NBPF3: variants seen among roughly 807,000 people sequenced by gnomAD.
The protein encoded by NBPF3 is NBPF family member NBPF3.
Under a neutral mutation model 78.1 loss-of-function variants are expected in NBPF3, and 57 were observed. The observed-to-expected ratio is 0.73, with a 90% CI of 0.59 to 0.91. NBPF3 has a LOEUF of 0.91. Among genes scored for constraint, NBPF3 ranks in the 40% least tolerant of loss-of-function variants. NBPF3 has a pLI of 0.00. For synonymous variants in NBPF3, 182 were observed against 271.7 expected, an observed-to-expected ratio of 0.67 and a Z score of 3.25; for missense variants, 510 against 715.3, an observed-to-expected ratio of 0.71 and a Z score of 3.27.
At chr1:21,464,264 A>G (rs1456081316) in intron 2 of NBPF3, among the ~76,000 whole-genome samples, 1 of 152,246 alleles carries the variant, frequency 6.6e-6, no homozygotes, top group Non-Finnish European at 1.5e-5. Flanking sequence ...GTATAACCAT[A>G]TAGTGGAATA....
chr1:21,442,700 A>G (rs563270937), intron 1 of NBPF3, among the ~76,000 whole-genome samples: 57 of 150,268 alleles, frequency 3.8e-4, no homozygotes, highest in African/African-American at 1.2e-3. Context: ...GCCTCACTCT[A>G]TTGCCCAGGC....
At chr1:21,444,736 T>C (rs1018726619) in intron 1 of NBPF3, among the ~76,000 whole-genome samples, 1 of 152,166 alleles carries the variant, frequency 6.6e-6, no homozygotes, top group Non-Finnish European at 1.5e-5. Context: ...TTTTCATTTT[T>C]TATTTTCCAA....
intron 2 of NBPF3, among the ~76,000 whole-genome samples, chr1:21,447,476 C>G (rs1641056037): frequency 6.6e-6 from 1 of 152,192 alleles, no homozygotes; most frequent in Admixed American, 6.5e-5. Flanking sequence ...TTTTGACTTT[C>G]CAAGAATGTC....
At chr1:21,446,754 G>T (rs1345608148) in intron 2 of NBPF3, among the ~76,000 whole-genome samples, 1 of 151,926 alleles carries the variant, frequency 6.6e-6, no homozygotes, top group Non-Finnish European at 1.5e-5. Context: ...TCATCCAGTA[G>T]CCCTTAGCTC....
chr1:21,447,812 GC>G (rs1253472143), intron 2 of NBPF3, among the ~76,000 whole-genome samples: 1 of 152,172 alleles, frequency 6.6e-6, no homozygotes, highest in African/African-American at 2.4e-5. Flanking sequence ...ATCTTTGACA[GC>G]ATTTGGTGTG....
Position 21,468,771 on chromosome 1 carries a change from A to G in NBPF3, c.217A>G (p.Ile73Val), listed in dbSNP as rs1642420477. The stretch of plus-strand genomic sequence containing the variant: ...GTCCGGTGAGAAGGCAGAGATGAAC[A>G]TTCTAGAAATCAACAAGAAATCGCG... ...PWSGEKAEMN[I>V]LEINKKSRPQ... The change falls in exon 3 of 15, where the codon ATT becomes GTT. Residue 73 changes from isoleucine (I) to valine (V), a missense_variant. By Grantham distance (29) the Ile-to-Val change is conservative. This residue lies in a region of NBPF3 where 440 missense variants were observed against 478.2 expected (regional missense o/e 0.92). Transcript: ENST00000318249. 2 of 1,613,952 alleles carry G rather than the reference A, an allele frequency of 1.2e-6. No individual in the cohort carries two copies. The highest frequency in any genetic ancestry group is 1.7e-6 in the Non-Finnish European group (2 of 1,179,828).
chr1:21,468,000 G>A (rs77096382), intron 2 of NBPF3, among the ~76,000 whole-genome samples: 2 of 152,202 alleles, frequency 1.3e-5, no homozygotes, highest in African/African-American at 2.4e-5. Context: ...TTACAAATGA[G>A]TTATTCATTC....
chr1:21,456,298 C>A (rs1641598081), intron 2 of NBPF3, among the ~76,000 whole-genome samples: 1 of 152,164 alleles, frequency 6.6e-6, no homozygotes, highest in South Asian at 2.1e-4. Flanking sequence ...TAACAAATAA[C>A]TCTCCTCAAA....
chr1:21,437,302 T>C, upstream of NBPF3: 1 of 398,696 alleles, frequency 2.5e-6, no homozygotes, highest in Admixed American at 4.4e-5. Context: ...GGGGTTTGTC[T>C]GGCATCGGTG....
intron 2 of NBPF3, among the ~76,000 whole-genome samples, chr1:21,457,327 G>T (rs1641661034): frequency 8.9e-6 from 1 of 112,830 alleles, no homozygotes; most frequent in South Asian, 3.1e-4. Flanking sequence ...TTCCAACAAA[G>T]GGTTTTTAGA....
At chr1:21,470,014 CAG>C (rs1642496965) in intron 3 of NBPF3, among the ~76,000 whole-genome samples, 1 of 71,558 alleles carries the variant, frequency 1.4e-5, no homozygotes, top group Non-Finnish European at 3.5e-5. Flanking sequence ...TTTATTGGCA[CAG>C]AGTTAACACT....
At position 21,467,610 on chromosome 1, in the gene NBPF3, G is replaced by A. The variant is rs551596330; in HGVS notation, c.134-1078G>A. On this transcript the variant is annotated intron_variant, in intron 2 of 14. Coordinates refer to ENST00000318249, the MANE Select transcript of NBPF3 (RefSeq NM_032264.6). Reference sequence around the variant, plus strand: ...CAAACCACATTCCATAAGAACCGCCGCTCATGGCCCTGTTCTTTTCAGTAT... The same window carrying A: ...CAAACCACATTCCATAAGAACCGCCACTCATGGCCCTGTTCTTTTCAGTAT... Among the ~76,000 whole-genome samples, 28 of 152,254 alleles carry A rather than the reference G, an allele frequency of 1.8e-4. No homozygotes were observed. In the East Asian group the frequency reaches 4.2e-3, roughly 23 times the overall value.
Position 21,473,408 on chromosome 1 carries a change from G to T in NBPF3, c.763G>T (p.Val255Phe), listed in dbSNP as rs753178176. ...REVQKAEEKE[V>F]PEDSLEECAI... ...GGTGCAGAAGGCTGAAGAAAAGGAA[G>T]TCCCTGAGGACTCACTGGAGGAGTG... is the stretch of plus-strand genomic sequence containing the variant. The change falls in exon 7 of 15, where the codon GTC becomes TTC. Residue 255 changes from valine to phenylalanine, a missense_variant. Transcript: ENST00000318249. The T allele has an allele frequency of 2.5e-5, 40 of 1,614,012 alleles. No individual in the cohort carries two copies. The highest frequency in any genetic ancestry group is 3.2e-5 in the Non-Finnish European group (38 of 1,180,014).
chr1:21,481,491 C>T, intron 12 of NBPF3, 106 bp from the exon 13 acceptor site: 1 of 1,353,752 alleles, frequency 7.4e-7, no homozygotes, highest in South Asian at 1.4e-5. Flanking sequence ...ATGGATGTAT[C>T]CTTTTTCTTT....
At chr1:21,449,091 C>T (rs12033776) in intron 2 of NBPF3, among the ~76,000 whole-genome samples, 2,256 of 152,274 alleles carry the variant, frequency 0.015, 29 homozygotes, top group East Asian at 0.068. Context: ...CCCCAAATTC[C>T]CTTGAACCTC....
intron 10 of NBPF3, among the ~76,000 whole-genome samples, chr1:21,479,814 C>G (rs1482399946): frequency 9.2e-4 from 46 of 49,758 alleles, no homozygotes; most frequent in East Asian, 5.2e-3. Context: ...CTCTCTCTCT[C>G]TCTCTCTGTG....
chr1:21,441,389 A>G (rs1416951129), intron 1 of NBPF3, among the ~76,000 whole-genome samples: 2 of 152,172 alleles, frequency 1.3e-5, no homozygotes, highest in Non-Finnish European at 2.9e-5. Context: ...TTACTGAAGT[A>G]TACAGAAGAA....
At chr1:21,471,906 G>A in intron 5 of NBPF3, 123 bp downstream of exon 5, 1 of 1,287,088 alleles carries the variant, frequency 7.8e-7, no homozygotes, top group South Asian at 1.3e-5. Flanking sequence ...ATGTGGCCGT[G>A]ACATAAGTGA....
In NBPF3 at chr1:21,445,206, G is replaced by A. The variant is rs781646630; in HGVS notation, c.120G>A (p.Leu40=). 9 of 1,611,670 alleles carry A rather than the reference G, an allele frequency of 5.6e-6. No homozygotes were observed. Among genetic ancestry groups the A allele is most frequent in the Non-Finnish European group, 6.8e-6 (8 of 1,179,712 alleles). Residue 40 remains leucine, a synonymous_variant, in exon 2 of 15, where the codon CTG becomes CTA. Coordinates refer to ENST00000318249, the MANE Select transcript of NBPF3 (RefSeq NM_032264.6). ...ATGGTGTGGGCCGACATCAAGAGCT[G>A]CGAGATCCAACAGGTAAAAATCCCG... ...ASHGVGRHQE[L]RDPTVPGPTS... is the part of the protein sequence containing the mutation.
Sources: gnomAD v4.1 joint callset for allele counts (sites outside exome capture counted in the v4.1 genomes callset) on GRCh38, gnomAD v4.1.1 for gene constraint, gnomAD v4.1.1 regional missense constraint, MANE v1.5 for transcripts, NCBI Gene and HGNC (gene_info 2026-07-23, HGNC 2026-07-21) for gene names.